The following LIMA1 variants were observed in gnomAD, a reference collection of about 807,000 sequenced individuals.
The protein encoded by LIMA1 is LIM domain and actin binding 1, also known as LIM domain and actin-binding protein 1.
Under a neutral mutation model 62.6 loss-of-function variants are expected in LIMA1, and 52 were observed. The observed-to-expected ratio is 0.83, with a 90% CI of 0.67 to 1.05. LIMA1 has a LOEUF of 1.05. LIMA1 is among the 50% of genes least tolerant of loss of function. The pLI is 0.00. For missense variants in LIMA1, 780 were observed against 902.2 expected (o/e 0.86, Z 1.74); for synonymous variants, 302 against 317.8 (o/e 0.95, Z 0.53).
At chr12:50,236,355 T>C (rs1449832342) in intron 2 of LIMA1, among the ~76,000 whole-genome samples, 23 of 148,668 alleles carry the variant, frequency 1.5e-4, no homozygotes, top group Non-Finnish European at 3.4e-4. Flanking sequence ...TGGAGTGCAG[T>C]GGCGTGATCT....
intron 7 of LIMA1, 75 bp downstream of exon 7, chr12:50,200,702 G>A (rs992585208): frequency 3.7e-5 from 55 of 1,477,692 alleles, no homozygotes; most frequent in Admixed American, 1.2e-4. Flanking sequence ...TAGAGTTAGA[G>A]TTGTTTCTAA....
At chr12:50,252,474 G>A (rs1402670007) in intron 1 of LIMA1, among the ~76,000 whole-genome samples, 7 of 151,548 alleles carry the variant, frequency 4.6e-5, no homozygotes, top group South Asian at 2.1e-4. Context: ...CCAGCTGCTC[G>A]GAAGGCTGAG....
Position 50,177,249 on chromosome 12 carries a change from G to T in LIMA1, c.2095C>A (p.Pro699Thr). ...CAATTCAGAGACTTGGGTTCTTGTG[G>T]AGATTGTTGTTTGAGGAAGCTGTTA... ...DDNSFLKQQS[P>T]QEPKSLNWSS... is the part of the protein sequence containing the mutation. Residue 699 changes from proline (P) to threonine (T), a missense_variant, in exon 11 of 11, where the codon CCA (proline) becomes ACA (threonine). Pro to Thr is a conservative substitution (Grantham distance 38). Coordinates refer to ENST00000341247, the MANE Select transcript of LIMA1 (RefSeq NM_016357.5). The T allele has an allele frequency of 1.2e-6, 2 of 1,614,058 alleles. No homozygotes were observed. Among genetic ancestry groups the T allele is most frequent in the Middle Eastern group, 1.6e-4 (1 of 6,062 alleles).
At chr12:50,185,204 C>T (rs1940602760) in intron 9 of LIMA1, among the ~76,000 whole-genome samples, 1 of 152,098 alleles carries the variant, frequency 6.6e-6, no homozygotes, top group South Asian at 2.1e-4. Flanking sequence ...AAAGACACAG[C>T]AGGAGACAGA....
chr12:50,257,125 T>C (rs1032645491), intron 1 of LIMA1, among the ~76,000 whole-genome samples: 1 of 152,232 alleles, frequency 6.6e-6, no homozygotes, highest in Non-Finnish European at 1.5e-5. Flanking sequence ...TGTGTCTTGC[T>C]TATGGCAATT....
chr12:50,201,825 G>T (rs1367015533), intron 6 of LIMA1: 1 of 152,376 alleles, frequency 6.6e-6, no homozygotes, highest in African/African-American at 2.4e-5. Flanking sequence ...TTGAATCAGG[G>T]AGGCAGAGGT....
At chr12:50,190,020 T>A (rs1592499891) in intron 9 of LIMA1, 1 of 132,064 alleles carries the variant, frequency 7.6e-6, no homozygotes, top group Non-Finnish European at 1.6e-5. Flanking sequence ...AATTTTTTTT[T>A]TTTTTTTTTT....
intron 10 of LIMA1, among the ~76,000 whole-genome samples, chr12:50,178,966 A>ATATT (rs56674261): frequency 8.8e-4 from 113 of 128,958 alleles, no homozygotes; most frequent in African/African-American, 2.1e-3. Flanking sequence ...ATATATATAT[A>ATATT]TTTTTTTTTT....
At chr12:50,269,912 C>A in intron 1 of LIMA1, among the ~76,000 whole-genome samples, 1 of 130,060 alleles carries the variant, frequency 7.7e-6, no homozygotes. Context: ...AAGAGCAAAA[C>A]TCCGTCAAAT....
Position 50,252,544 on chromosome 12 carries a change from G to A in LIMA1, c.-23-3770C>T, listed in dbSNP as rs534197619. ...TGCAGTGAGCCGAGATTGCACCACT[G>A]TACTCCAGCCTGGGTGACAAGAGCG... On this transcript the variant is annotated intron_variant, in intron 1 of 10. Transcript: ENST00000341247. 7.8e-4 allele frequency among the ~76,000 whole-genome samples: 103 copies of A among 132,710 alleles called. 2 individuals are homozygous for A. Among genetic ancestry groups the A allele is most frequent in the African/African-American group, 2.7e-3 (92 of 34,188 alleles). 87.1% of individuals were successfully genotyped at this position (132,710 alleles called of 152,430 possible).
At chr12:50,229,142 T>C (rs1206108079) in intron 3 of LIMA1, among the ~76,000 whole-genome samples, 1 of 152,242 alleles carries the variant, frequency 6.6e-6, no homozygotes, top group Non-Finnish European at 1.5e-5. Flanking sequence ...TAAATCATTA[T>C]AATTGTCTCT....
rs183492684 is a variant in LIMA1 at position 50,253,943 on chromosome 12, G to A, written c.-23-5169C>T. Reference sequence around the variant, plus strand: ...CTTGGGAGGCTGAGGCAGGACAACTGCTTGAACCCGGGAAGCAGAGGTTGC... The same window carrying A: ...CTTGGGAGGCTGAGGCAGGACAACTACTTGAACCCGGGAAGCAGAGGTTGC... On this transcript the variant is annotated intron_variant, in intron 1 of 10. Coordinates refer to ENST00000341247, the MANE Select transcript of LIMA1 (RefSeq NM_016357.5). Among the ~76,000 whole-genome samples, 845 of 149,012 alleles carry A rather than the reference G, an allele frequency of 5.7e-3. 39 individuals are homozygous for A. Among genetic ancestry groups the A allele is most frequent in the Admixed American group, 0.049 (716 of 14,654 alleles).
At chr12:50,206,145 C>A in intron 4 of LIMA1, 77 bp from the exon 5 acceptor site, 6 of 1,062,066 alleles carry the variant, frequency 5.6e-6, no homozygotes, top group Non-Finnish European at 8.5e-6. Context: ...TGCAAACCTT[C>A]TTTATAAATA....
chr12:50,208,493 A>AT (rs1357128814), intron 4 of LIMA1, among the ~76,000 whole-genome samples: 1 of 151,478 alleles, frequency 6.6e-6, no homozygotes, highest in African/African-American at 2.4e-5. Context: ...CTCAAAAAAA[A>AT]CCAAAAGTTA....
Position 50,196,957 on chromosome 12 carries a change from G to C in LIMA1, c.973-1070C>G, listed in dbSNP as rs570768605. On this transcript the variant is annotated intron_variant, in intron 7 of 10. Coordinates refer to ENST00000341247, the MANE Select transcript of LIMA1 (RefSeq NM_016357.5). ...ATGATATGAAATAAATTTTCTGAAA[G>C]TTGTGCATGCCTACAAAAAGCTCTT... Among the ~76,000 whole-genome samples, 3 of 152,130 alleles carry C rather than the reference G, an allele frequency of 2.0e-5. No individual in the cohort carries two copies. The East Asian group carries it at 5.8e-4, about 29-fold the overall frequency.
Position 50,222,153 on chromosome 12 carries a change from T to C in LIMA1, c.498A>G (p.Gly166=), listed in dbSNP as rs183716203. 2 of 1,614,198 alleles carry C rather than the reference T, an allele frequency of 1.2e-6. No individual in the cohort carries two copies. The highest frequency in any genetic ancestry group is 1.7e-6 in the Non-Finnish European group (2 of 1,180,034). The change falls in exon 4 of 11, where the codon GGA becomes GGG. Residue 166 remains glycine (G), a synonymous_variant. Transcript: ENST00000341247. ...TESKKMENCL[G]ESRHEVEKSE... ...ATTTTTCTACTTCATGCCTGGATTC[T>C]CCTAGACAATTTTCCATTTTTTTAC...
At chr12:50,188,993 G>A (rs1485742391) in intron 9 of LIMA1, 2 of 152,156 alleles carry the variant, frequency 1.3e-5, no homozygotes, top group African/African-American at 4.8e-5. Flanking sequence ...TAACCCTGTG[G>A]GGTTTGCTAC....
At chr12:50,182,330 G>A (rs551630604) in intron 9 of LIMA1, among the ~76,000 whole-genome samples, 1 of 141,686 alleles carries the variant, frequency 7.1e-6, no homozygotes, top group South Asian at 2.6e-4. Context: ...CATAAAAAAT[G>A]TTAGGAGCAG....
intron 10 of LIMA1, among the ~76,000 whole-genome samples, chr12:50,180,480 G>A (rs987435069): frequency 2.6e-5 from 4 of 151,590 alleles, no homozygotes; most frequent in Non-Finnish European, 5.9e-5. Flanking sequence ...ATCTCAAAAA[G>A]AAAAACCAGA....
Sources: gnomAD v4.1 joint callset for allele counts (sites outside exome capture counted in the v4.1 genomes callset) on GRCh38, gnomAD v4.1.1 for gene constraint, MANE v1.5 for transcripts, NCBI Gene and HGNC (gene_info 2026-07-23, HGNC 2026-07-21) for gene names.